The following PHC3 variants were observed in gnomAD, a reference collection of about 807,000 sequenced individuals.
The protein encoded by PHC3 is polyhomeotic-like protein 3.
A neutral mutation model predicts 107.4 loss-of-function variants in PHC3; 13 were observed. The observed-to-expected ratio is 0.12, with a 90% CI of 0.08 to 0.19. PHC3 has a LOEUF of 0.19. PHC3 is among the 10% of genes least tolerant of loss of function. PHC3 has a pLI of 1.00. For missense variants in PHC3, 992 were observed against 1,210.9 expected (o/e 0.82, Z 2.68); for synonymous variants, 456 against 427.4 (o/e 1.07, Z -0.83).
intron 14 of PHC3, among the ~76,000 whole-genome samples, chr3:170,098,348 T>G (rs550354483): frequency 1.3e-5 from 2 of 152,274 alleles, no homozygotes; most frequent in African/African-American, 4.8e-5. Context: ...ACATAAAAAC[T>G]GACAGCTTAA....
chr3:170,181,315 C>T (rs968788163), intron 1 of PHC3, among the ~76,000 whole-genome samples: 1 of 152,142 alleles, frequency 6.6e-6, no homozygotes, highest in African/African-American at 2.4e-5. Context: ...CCCTACCCAG[C>T]CTCCGCGGGC....
chr3:170,171,918 G>A (rs1213932689), intron 3 of PHC3, among the ~76,000 whole-genome samples: 1 of 152,084 alleles, frequency 6.6e-6, no homozygotes, highest in Non-Finnish European at 1.5e-5. Flanking sequence ...CTCTGGTGAG[G>A]GGATTTAAGA....
At position 170,102,804 on chromosome 3, in the gene PHC3, G is replaced by C. The variant is rs1230210760; in HGVS notation, c.2599C>G (p.Gln867Glu). ...ATTGAAGCAAGGTTTATACAGACCT[G>C]CCTAAGGATATGTTCTCTCGCTGCC... Reference protein sequence around the residue: ...DGAAREHILRQLPITYPSAEE... With the variant: ...DGAAREHILRELPITYPSAEE... Residue 867 changes from glutamine (Q) to glutamate (E), a missense_variant and splice_region_variant, in exon 13 of 15, where the codon CAG (glutamine) becomes GAG (glutamate). Around this residue, in one of 6 missense-constraint regions of PHC3, gnomAD observed 228 missense variants for 288.8 expected, o/e 0.79. Coordinates refer to ENST00000495893, the MANE Select transcript of PHC3 (RefSeq NM_024947.4). 1.9e-6 allele frequency: 3 copies of C among 1,613,900 alleles called. No individual in the cohort carries two copies. In the South Asian group the frequency reaches 3.3e-5, roughly 18 times the overall value.
intron 10 of PHC3, among the ~76,000 whole-genome samples, chr3:170,115,293 A>G (rs1718683716): frequency 6.6e-6 from 1 of 151,694 alleles, no homozygotes. Flanking sequence ...ATTAATAATG[A>G]GAAAATACTC....
At chr3:170,144,168 A>G (rs1261719523) in intron 6 of PHC3, among the ~76,000 whole-genome samples, 2 of 151,128 alleles carry the variant, frequency 1.3e-5, no homozygotes, top group Non-Finnish European at 3.0e-5. Flanking sequence ...TAAAAAAAAA[A>G]AAAAAAAGAA....
At chr3:170,101,689 T>C (rs1419302002) in intron 14 of PHC3, among the ~76,000 whole-genome samples, 1 of 152,150 alleles carries the variant, frequency 6.6e-6, no homozygotes, top group Non-Finnish European at 1.5e-5. Context: ...TCTTAACATA[T>C]ATAACTAGTG....
chr3:170,140,218 G>C (rs866585944), intron 6 of PHC3, among the ~76,000 whole-genome samples: 1 of 148,018 alleles, frequency 6.8e-6, no homozygotes, highest in African/African-American at 2.5e-5. Flanking sequence ...TCTTAGAATT[G>C]AGGAAAAAAA....
chr3:170,102,379 A>G, intron 14 of PHC3, 100 bp downstream of exon 14: 1 of 1,513,920 alleles, frequency 6.6e-7, no homozygotes, highest in African/African-American at 1.4e-5. Context: ...TATACACAGT[A>G]CTTCTCTAGC....
intron 9 of PHC3, among the ~76,000 whole-genome samples, chr3:170,120,167 T>TA (rs1719948818): frequency 1.3e-5 from 2 of 152,200 alleles, no homozygotes; most frequent in Non-Finnish European, 2.9e-5. Flanking sequence ...CAATAAAACT[T>TA]ACATTTCTGC....
chr3:170,176,311 T>C (rs1045671528), intron 2 of PHC3, among the ~76,000 whole-genome samples: 24 of 152,066 alleles, frequency 1.6e-4, no homozygotes, highest in Non-Finnish European at 2.4e-4. Flanking sequence ...AACCTCACTC[T>C]GCATTCAAGT....
At chr3:170,167,778 C>A (rs921209334) in intron 4 of PHC3, among the ~76,000 whole-genome samples, 4 of 145,564 alleles carry the variant, frequency 2.7e-5, no homozygotes, top group Non-Finnish European at 4.5e-5. Flanking sequence ...AAAAAAAAGT[C>A]TTTCTTTTAA....
intron 2 of PHC3, among the ~76,000 whole-genome samples, chr3:170,173,388 ATATTGCTAGTAAAAATTCAAGTTGG>A: frequency 6.6e-6 from 1 of 152,218 alleles, no homozygotes; most frequent in Non-Finnish European, 1.5e-5. Context: ...CAATACTCCC[ATATTGCTAGTAAAAATTCAAGTTGG>A]CATAACCTTT....
rs746379133 is a variant in PHC3, at chr3:170,172,521, A to C, written c.336+36T>G. ...TTCAGTAACTACCTACAGATAACAG[A>C]AACTTTGATCTCATAAACTCTTATT... On this transcript the variant is annotated intron_variant, in intron 3 of 14. Coordinates refer to ENST00000495893, the MANE Select transcript of PHC3 (RefSeq NM_024947.4). The C allele has an allele frequency of 3.8e-6, 6 of 1,594,674 alleles. No individual in the cohort carries two copies. In the South Asian group the frequency reaches 6.9e-5, roughly 18 times the overall value.
At chr3:170,147,458 T>G (rs1214052214) in intron 5 of PHC3, 1 of 152,210 alleles carries the variant, frequency 6.6e-6, no homozygotes, top group Non-Finnish European at 1.5e-5. Context: ...TCCATACCTA[T>G]GGAAGGCTCT....
chr3:170,139,485 C>A (rs963530715), intron 6 of PHC3, among the ~76,000 whole-genome samples: 13 of 152,072 alleles, frequency 8.5e-5, no homozygotes, highest in African/African-American at 3.1e-4. Flanking sequence ...ATCTGAAAAA[C>A]CTGAAATGAA....
At chr3:170,140,437 A>G (rs1003075968) in intron 6 of PHC3, among the ~76,000 whole-genome samples, 2 of 150,956 alleles carry the variant, frequency 1.3e-5, no homozygotes, top group Admixed American at 6.6e-5. Flanking sequence ...TATTTTTAGT[A>G]AAGATGGGGT....
rs1714694461 is a variant in PHC3 at position 170,096,834 on chromosome 3, G to A, written c.*396C>T. 1.3e-5 allele frequency: 2 copies of A among 153,808 alleles called. No individual in the cohort carries two copies. The highest frequency in any genetic ancestry group is 2.9e-5 in the Non-Finnish European group (2 of 69,394). 9.5% of individuals were successfully genotyped at this position (153,808 alleles called of 1,614,324 possible). ...ATGACAACCTTTAGAAAACTAATAG[G>A]GTAGAAAAAATGTATAAGAAAATTG... is the stretch of plus-strand genomic sequence containing the variant. On this transcript the variant is annotated 3_prime_UTR_variant, in exon 15 of 15. Transcript: ENST00000495893.
In PHC3 at chr3:170,096,083, A is replaced by G. The variant is rs1714606739; in HGVS notation, c.*1147T>C. On this transcript the variant is annotated 3_prime_UTR_variant, in exon 15 of 15. Transcript: ENST00000495893. ...GGTATAATCATATTATGTCTTCGTC[A>G]GTGCAGAGGAGCACAGAGGTATGAA... The G allele has an allele frequency of 1.3e-5, 2 of 152,330 alleles. No individual in the cohort carries two copies. The highest frequency in any genetic ancestry group is 1.3e-4 in the Admixed American group (2 of 15,290). The allele number at this position is 152,330 out of a possible 1,614,324, so 9.4% of individuals were successfully genotyped here.
intron 8 of PHC3, among the ~76,000 whole-genome samples, chr3:170,127,252 C>T (rs1721468585): frequency 6.6e-6 from 1 of 152,176 alleles, no homozygotes; most frequent in Non-Finnish European, 1.5e-5. Context: ...CTGCACCCTC[C>T]ACCTCCCAGG....
Sources: gnomAD v4.1 joint callset for allele counts (sites outside exome capture counted in the v4.1 genomes callset) on GRCh38, gnomAD v4.1.1 for gene constraint, gnomAD v4.1.1 regional missense constraint, MANE v1.5 for transcripts, NCBI Gene and HGNC (gene_info 2026-07-23, HGNC 2026-07-21) for gene names.